Variants in PTPN2 observed in about 807,000 individuals in gnomAD.
PTPN2 encodes tyrosine-protein phosphatase non-receptor type 2.
A neutral mutation model predicts 57.3 loss-of-function variants in PTPN2; 19 were observed. The observed-to-expected ratio is 0.33, with a 90% CI of 0.23 to 0.49. PTPN2 has a LOEUF of 0.49. Among genes scored for constraint, PTPN2 ranks in the 20% least tolerant of loss-of-function variants. PTPN2 has a pLI of 0.99. For synonymous variants in PTPN2, 153 were observed against 164.9 expected (o/e 0.93, Z 0.55); for missense variants, 358 against 501.1 (o/e 0.71, Z 2.73).
chr18:12,794,012 T>C lies in PTPN2; in HGVS notation c.*266A>G. ...CAGGTGAAATACTGTGTTTGACATG[T>C]ATGAATACAGTTGCAAAATTTACCA... On this transcript the variant is annotated 3_prime_UTR_variant, in exon 9 of 9. Transcript: ENST00000309660. The C allele has an allele frequency of 7.4e-7, 1 of 1,343,402 alleles. No individual in the cohort carries two copies. The highest frequency in any genetic ancestry group is 9.5e-7 in the Non-Finnish European group (1 of 1,047,284). 83.2% of individuals were successfully genotyped at this position (1,343,402 alleles called of 1,614,324 possible).
chr18:12,874,958 A>G (rs1394354024), intron 1 of PTPN2, among the ~76,000 whole-genome samples: 1 of 152,128 alleles, frequency 6.6e-6, no homozygotes, highest in Admixed American at 6.5e-5. Flanking sequence ...TTTGTTCTGT[A>G]CTAAGAAAAA....
At position 12,809,062 on chromosome 18, in the gene PTPN2, C is replaced by T. The variant is rs556769778; in HGVS notation, c.858+5141G>A. On this transcript the variant is annotated intron_variant, in intron 7 of 8. Transcript: ENST00000309660. Reference sequence around the variant, plus strand: ...CTAAAGGACTTTAATTTGGTTGTGTCTATCAGGTACGCTAGCAGCTCCAGG... The same window carrying T: ...CTAAAGGACTTTAATTTGGTTGTGTTTATCAGGTACGCTAGCAGCTCCAGG... 6.6e-5 allele frequency among the ~76,000 whole-genome samples: 10 copies of T among 152,298 alleles called. No individual in the cohort carries two copies. The South Asian group carries it at 2.1e-3, about 32-fold the overall frequency.
At chr18:12,838,013 A>T (rs1005190676) in intron 2 of PTPN2, among the ~76,000 whole-genome samples, 29 of 152,278 alleles carry the variant, frequency 1.9e-4, no homozygotes, top group African/African-American at 6.7e-4. Context: ...CTTTTTTAAA[A>T]AACAGTTTAA....
At chr18:12,820,161 T>C (rs544366774) in intron 5 of PTPN2, among the ~76,000 whole-genome samples, 2 of 152,222 alleles carry the variant, frequency 1.3e-5, no homozygotes, top group Non-Finnish European at 2.9e-5. Flanking sequence ...CAGGTCACGC[T>C]GTCTGGGATA....
At position 12,880,931 on chromosome 18, in the gene PTPN2, G is replaced by A. The variant is rs78719514; in HGVS notation, c.69+3142C>T. On this transcript the variant is annotated intron_variant, in intron 1 of 8. Coordinates refer to ENST00000309660, the MANE Select transcript of PTPN2 (RefSeq NM_002828.4). The stretch of plus-strand genomic sequence containing the variant: ...CAGTGTCTCGCAGGTACCTCAAACA[G>A]AATTAAAGTTTCAAAACCAAACTTG... Among the ~76,000 whole-genome samples, 1,346 of 152,244 alleles carry A rather than the reference G, an allele frequency of 8.8e-3. 26 individuals are homozygous for A. Among genetic ancestry groups the A allele is most frequent in the African/African-American group, 0.031 (1,297 of 41,514 alleles).
chr18:12,790,808 C>T (rs549787206), downstream of PTPN2, among the ~76,000 whole-genome samples: 1 of 152,322 alleles, frequency 6.6e-6, no homozygotes, highest in South Asian at 2.1e-4. Flanking sequence ...ACAGTCAGAA[C>T]CCCTTCTGCT....
chr18:12,876,319 T>C (rs189243457), intron 1 of PTPN2, among the ~76,000 whole-genome samples: 570 of 35,730 alleles, frequency 0.016, 2 homozygotes, highest in Non-Finnish European at 0.019. Flanking sequence ...AAGAAGAAAT[T>C]TGTCAGGCGT....
At chr18:12,838,980 T>C (rs1158456719) in intron 2 of PTPN2, among the ~76,000 whole-genome samples, 4 of 151,568 alleles carry the variant, frequency 2.6e-5, no homozygotes, top group East Asian at 3.9e-4. Flanking sequence ...ACATTAAAAT[T>C]ATAAAAACAA....
rs752570083 is a variant in PTPN2 at position 12,794,229 on chromosome 18, T to A, written c.*49A>T. 6 of 1,611,182 alleles carry A rather than the reference T, an allele frequency of 3.7e-6. No homozygotes were observed. The South Asian group carries it at 5.5e-5, about 15-fold the overall frequency. On this transcript the variant is annotated 3_prime_UTR_variant, in exon 9 of 9. Coordinates refer to ENST00000309660, the MANE Select transcript of PTPN2 (RefSeq NM_002828.4). Reference sequence around the variant, plus strand: ...TGCAGACAAACCCCTATGATTAATGTAGCACTGTCAGTTACTAGTGCAGAA... The same window carrying A: ...TGCAGACAAACCCCTATGATTAATGAAGCACTGTCAGTTACTAGTGCAGAA...
intron 2 of PTPN2, among the ~76,000 whole-genome samples, chr18:12,849,562 A>AAAATAAAT (rs55802637): frequency 3.3e-5 from 5 of 151,580 alleles, no homozygotes; most frequent in Middle Eastern, 3.4e-3. Context: ...CCTGTCTCAA[A>AAAATAAAT]AAATAAATAA....
At chr18:12,847,041 G>T (rs1280179248) in intron 2 of PTPN2, among the ~76,000 whole-genome samples, 3 of 61,898 alleles carry the variant, frequency 4.8e-5, no homozygotes, top group Admixed American at 2.6e-4. Flanking sequence ...CAAGATTTTT[G>T]TCAGTCCAAA....
chr18:12,827,876 A>G (rs1382858034), intron 4 of PTPN2, among the ~76,000 whole-genome samples: 2 of 152,126 alleles, frequency 1.3e-5, no homozygotes, highest in Non-Finnish European at 2.9e-5. Context: ...ATATTTCTTT[A>G]ACAAAAAGTA....
In PTPN2 at chr18:12,830,889, T is replaced by A. The variant is rs968788034; in HGVS notation, c.360+54A>T. On this transcript the variant is annotated intron_variant, in intron 4 of 8. Transcript: ENST00000309660. ...ATTGGCCCCAAAATGAAAATCTTTA[T>A]ATGCTAATGATCACATACAGTATAC... 7 of 1,327,638 alleles carry A rather than the reference T, an allele frequency of 5.3e-6. No individual in the cohort carries two copies. The Admixed American group carries it at 5.3e-5, about 10-fold the overall frequency. 82.2% of individuals were successfully genotyped at this position (1,327,638 alleles called of 1,614,324 possible). A position where few individuals can be genotyped will look rare whatever the true frequency, so the allele number is the denominator to read the frequency against.
At chr18:12,798,471 T>C (rs1254051883) in intron 8 of PTPN2, among the ~76,000 whole-genome samples, 2 of 152,178 alleles carry the variant, frequency 1.3e-5, no homozygotes, top group Non-Finnish European at 2.9e-5. Flanking sequence ...TGTGTTCTCA[T>C]CATTTAGCTC....
intron 1 of PTPN2, among the ~76,000 whole-genome samples, chr18:12,861,303 G>A (rs1309343667): frequency 6.6e-6 from 1 of 152,170 alleles, no homozygotes; most frequent in East Asian, 1.9e-4. Context: ...CCTTCCAAAT[G>A]GAAAGTTAAT....
intron 7 of PTPN2, among the ~76,000 whole-genome samples, chr18:12,805,256 G>A (rs1293330309): frequency 1.3e-5 from 2 of 151,694 alleles, no homozygotes; most frequent in Admixed American, 1.3e-4. Flanking sequence ...CAGGCGTTTG[G>A]GACTGGTCTG....
intron 1 of PTPN2, among the ~76,000 whole-genome samples, chr18:12,878,816 G>C (rs1040738028): frequency 1.3e-5 from 2 of 152,190 alleles, no homozygotes; most frequent in Non-Finnish European, 2.9e-5. Context: ...CACTGCACTT[G>C]TACTCCAGAC....
chr18:12,884,158 T>A lies in PTPN2; in HGVS notation c.-17A>T, dbSNP rs2044780385. The A allele has an allele frequency of 1.3e-6, 2 of 1,571,944 alleles. No homozygotes were observed. The highest frequency in any genetic ancestry group is 8.6e-7 in the Non-Finnish European group (1 of 1,161,086). On this transcript the variant is annotated 5_prime_UTR_variant, in exon 1 of 9. Coordinates refer to ENST00000309660, the MANE Select transcript of PTPN2 (RefSeq NM_002828.4). ...GGTGGGCATGGCTGCGGGAGCGAGC[T>A]GGCGCGAGCAGAGCCTGCGCCGGCG... is the stretch of plus-strand genomic sequence containing the variant.
intron 8 of PTPN2, chr18:12,801,721 C>T (rs2041433183): frequency 2.5e-6 from 1 of 396,942 alleles, no homozygotes; most frequent in Non-Finnish European, 4.6e-6. Context: ...GCTCGCATCA[C>T]CACACCTGGC....
Sources: allele counts gnomAD v4.1 joint callset (sites outside exome capture counted in the v4.1 genomes callset), GRCh38; gene constraint gnomAD v4.1.1; transcripts MANE v1.5; gene names NCBI Gene and HGNC (gene_info 2026-07-23, HGNC 2026-07-21).